The following GFRA1 variants were observed in gnomAD, a reference collection of about 807,000 sequenced individuals.
GFRA1 encodes GDNF family receptor alpha 1, also known as GDNF family receptor alpha-1.
GFRA1 carries 16 observed loss-of-function variants against 51.6 expected under a neutral mutation model. The observed-to-expected ratio is 0.31, with a 90% CI of 0.21 to 0.47. GFRA1 has a LOEUF of 0.47. Among genes scored for constraint, GFRA1 ranks in the 20% least tolerant of loss-of-function variants. The pLI, the probability that GFRA1 is intolerant of heterozygous loss-of-function variation, is 1.00. For missense variants in GFRA1, 530 were observed against 594.3 expected, an observed-to-expected ratio of 0.89 and a Z score of 1.13; for synonymous variants, 270 against 241.3, an observed-to-expected ratio of 1.12 and a Z score of -1.10.
At chr10:116,177,644 G>C (rs1961759322) in intron 5 of GFRA1, among the ~76,000 whole-genome samples, 1 of 152,216 alleles carries the variant, frequency 6.6e-6, no homozygotes, top group Non-Finnish European at 1.5e-5. Flanking sequence ...CAAAGGAGCA[G>C]GATGTACCAT....
At chr10:116,101,777 T>C (rs1270738662) in intron 6 of GFRA1, among the ~76,000 whole-genome samples, 1 of 152,122 alleles carries the variant, frequency 6.6e-6, no homozygotes, top group Non-Finnish European at 1.5e-5. Flanking sequence ...ACGTGGTTGG[T>C]GGAATTGAGC....
chr10:116,143,495 C>T lies in GFRA1; in HGVS notation c.434-17938G>A, dbSNP rs139218505. Among the ~76,000 whole-genome samples, 966 of 152,274 alleles carry T rather than the reference C, an allele frequency of 6.3e-3. 13 individuals carry two copies. Among genetic ancestry groups the T allele is most frequent in the African/African-American group, 0.022 (917 of 41,552 alleles). On this transcript the variant is annotated intron_variant, in intron 5 of 10. Coordinates refer to ENST00000355422, the MANE Select transcript of GFRA1 (RefSeq NM_005264.8). ...AGTGCCCAAGACAATCTACAAACAG[C>T]AGCAATGGCAGTTGCCCAAGCCAAA...
intron 5 of GFRA1, among the ~76,000 whole-genome samples, chr10:116,197,597 G>T (rs1296073896): frequency 6.6e-6 from 1 of 152,174 alleles, no homozygotes; most frequent in Non-Finnish European, 1.5e-5. Context: ...CACACACACA[G>T]TTCCAGATGA....
At chr10:116,154,073 A>C (rs1050168747) in intron 5 of GFRA1, among the ~76,000 whole-genome samples, 2 of 152,230 alleles carry the variant, frequency 1.3e-5, no homozygotes, top group African/African-American at 4.8e-5. Flanking sequence ...AAGATGGCTA[A>C]AATGAAGAGA....
At chr10:116,142,193 G>A (rs1958601130) in intron 5 of GFRA1, among the ~76,000 whole-genome samples, 1 of 152,178 alleles carries the variant, frequency 6.6e-6, no homozygotes, top group Non-Finnish European at 1.5e-5. Context: ...CCATGCAGCA[G>A]GAGGGAAAAG....
At chr10:116,173,074 T>C (rs1326424941) in intron 5 of GFRA1, among the ~76,000 whole-genome samples, 1 of 152,258 alleles carries the variant, frequency 6.6e-6, no homozygotes, top group Non-Finnish European at 1.5e-5. Context: ...TTGTGGAATA[T>C]ATTCTATGTG....
intron 5 of GFRA1, among the ~76,000 whole-genome samples, chr10:116,170,918 C>T (rs921113819): frequency 1.9e-4 from 29 of 152,192 alleles, no homozygotes; most frequent in African/African-American, 7.0e-4. Flanking sequence ...TTGGAATTTT[C>T]AATATTCACA....
At chr10:116,147,903 C>T (rs1387574404) in intron 5 of GFRA1, among the ~76,000 whole-genome samples, 2 of 151,386 alleles carry the variant, frequency 1.3e-5, no homozygotes, top group Admixed American at 6.6e-5. Flanking sequence ...CCGCAGGTGG[C>T]TTTTTTTTGG....
At chr10:116,115,318 G>C (rs1485675584) in intron 6 of GFRA1, among the ~76,000 whole-genome samples, 1 of 152,040 alleles carries the variant, frequency 6.6e-6, no homozygotes, top group African/African-American at 2.4e-5. Flanking sequence ...TGAGACCCAG[G>C]CCCACACTGG....
chr10:116,058,002 G>A lies in GFRA1; in HGVS notation c.*6396C>T, dbSNP rs1370014926. The A allele has an allele frequency of 2.4e-5, 2 of 84,928 alleles. No individual in the cohort carries two copies. Among genetic ancestry groups the A allele is most frequent in the Admixed American group, 2.1e-4 (2 of 9,640 alleles). 5.3% of individuals were successfully genotyped at this position (84,928 alleles called of 1,614,324 possible). A position where few individuals can be genotyped will look rare whatever the true frequency, so the allele number is the denominator to read the frequency against. ...AGCCCTCCAATCATTGTGTGTGTGT[G>A]TGTGTGTGTGTGTGTGTGTGTGTGT... On this transcript the variant is annotated 3_prime_UTR_variant, in exon 11 of 11. Coordinates refer to ENST00000355422, the MANE Select transcript of GFRA1 (RefSeq NM_005264.8).
At chr10:116,174,522 A>T (rs1053508430) in intron 5 of GFRA1, among the ~76,000 whole-genome samples, 2 of 152,174 alleles carry the variant, frequency 1.3e-5, no homozygotes, top group Admixed American at 6.5e-5. Flanking sequence ...TTCTTTATAA[A>T]ACTCCATAAT....
intron 4 of GFRA1, among the ~76,000 whole-genome samples, chr10:116,223,133 G>T (rs2134508966): frequency 6.6e-6 from 1 of 152,238 alleles, no homozygotes; most frequent in Admixed American, 6.5e-5. Flanking sequence ...TAAAAAATCA[G>T]AGGGTGCAGC....
intron 4 of GFRA1, among the ~76,000 whole-genome samples, chr10:116,215,879 C>G (rs1965527054): frequency 6.6e-6 from 1 of 152,162 alleles, no homozygotes; most frequent in Non-Finnish European, 1.5e-5. Context: ...CCACCCCCGG[C>G]TCCCTCTCCC....
chr10:116,094,195 A>G, intron 7 of GFRA1, among the ~76,000 whole-genome samples: 1 of 152,210 alleles, frequency 6.6e-6, no homozygotes, highest in Non-Finnish European at 1.5e-5. Flanking sequence ...ATAAATAGAT[A>G]GAGCCGGGTT....
In GFRA1 at chr10:116,218,656, T is replaced by C. The variant is rs184152199; in HGVS notation, c.419-7011A>G. 5.9e-5 allele frequency among the ~76,000 whole-genome samples: 9 copies of C among 152,270 alleles called. No homozygotes were observed. In the East Asian group the frequency reaches 1.7e-3, roughly 29 times the overall value. ...CGTGTAGCCACACGGCCAATATTCA[T>C]GACCCTCCTGCTTCCTCCAGGCACA... On this transcript the variant is annotated intron_variant, in intron 4 of 10. Transcript: ENST00000355422.
At chr10:116,158,068 G>A (rs1353038233) in intron 5 of GFRA1, among the ~76,000 whole-genome samples, 3 of 152,164 alleles carry the variant, frequency 2.0e-5, no homozygotes, top group African/African-American at 7.2e-5. Flanking sequence ...AGTGGTACAC[G>A]GCTTGTCATT....
chr10:116,093,671 C>A (rs372289614), intron 8 of GFRA1, 31 bp downstream of exon 8: 136 of 1,605,564 alleles, frequency 8.5e-5, no homozygotes, highest in Admixed American at 1.5e-4. Flanking sequence ...AATGCGTTTG[C>A]TCCTTTGTTT....
chr10:116,089,385 C>A (rs1220166518), intron 9 of GFRA1, among the ~76,000 whole-genome samples: 1 of 152,138 alleles, frequency 6.6e-6, no homozygotes, highest in Non-Finnish European at 1.5e-5. Flanking sequence ...TGCTGCTTTG[C>A]AGAGAACACA....
intron 5 of GFRA1, among the ~76,000 whole-genome samples, chr10:116,151,014 T>C (rs1359882975): frequency 6.6e-6 from 1 of 152,096 alleles, no homozygotes; most frequent in African/African-American, 2.4e-5. Context: ...CTTTTTTTTT[T>C]TTCTAAACGG....
Sources: allele counts gnomAD v4.1 joint callset (sites outside exome capture counted in the v4.1 genomes callset), GRCh38; gene constraint gnomAD v4.1.1; transcripts MANE v1.5; gene names NCBI Gene and HGNC (gene_info 2026-07-23, HGNC 2026-07-21).